HACD4: variants seen among roughly 807,000 people sequenced by gnomAD.
HACD4 encodes 3-hydroxyacyl-CoA dehydratase 4.
A neutral mutation model predicts 33.3 loss-of-function variants in HACD4; 35 were observed. The ratio of observed to expected loss-of-function variants is 1.05; its 90% confidence interval spans 0.80 to 1.39. The LOEUF is 1.39. Ranked by LOEUF, HACD4 falls within the 40% of genes most tolerant of loss-of-function variation. HACD4 has a pLI of 0.00. For synonymous variants in HACD4, 118 were observed against 98.0 expected, an observed-to-expected ratio of 1.20 and a Z score of -1.21; for missense variants, 323 against 276.5, an observed-to-expected ratio of 1.17 and a Z score of -1.19.
In HACD4 at chr9:21,031,639, G is replaced by C; in HGVS notation, c.-49C>G. 7.5e-7 allele frequency: 1 copy of C among 1,338,846 alleles called. No individual in the cohort carries two copies. The highest frequency in any genetic ancestry group is 3.1e-5 in the East Asian group (1 of 32,074). 82.9% of individuals were successfully genotyped at this position (1,338,846 alleles called of 1,614,324 possible). A position where few individuals can be genotyped will look rare whatever the true frequency, so the allele number is the denominator to read the frequency against. On this transcript the variant is annotated 5_prime_UTR_variant, in exon 1 of 7. Coordinates refer to ENST00000495827, the MANE Select transcript of HACD4 (RefSeq NM_001010915.5). ...AGCGCGGTCCAGGAAGGAGTACCGG[G>C]GAGGAGGCAGGGGCGGCCCCGCGGC... is the stretch of plus-strand genomic sequence containing the variant.
chr9:21,014,491 A>C (rs944688360), intron 4 of HACD4, among the ~76,000 whole-genome samples: 1 of 152,184 alleles, frequency 6.6e-6, no homozygotes, highest in Admixed American at 6.5e-5. Flanking sequence ...GACTCCATTT[A>C]TATGAACTTT....
Position 21,002,404 on chromosome 9 carries a change from T to C in HACD4, c.*4633A>G, listed in dbSNP as rs1043770370. ...CTCAAAAAGGAAGAAAATTCTGACA[T>C]ATACAAAATGGAGGAAACTTGCAGA... On this transcript the variant is annotated 3_prime_UTR_variant, in exon 7 of 7. Coordinates refer to ENST00000495827, the MANE Select transcript of HACD4 (RefSeq NM_001010915.5). The C allele has an allele frequency of 1.3e-5, 2 of 152,050 alleles. No homozygotes were observed. Among genetic ancestry groups the C allele is most frequent in the African/African-American group, 2.4e-5 (1 of 41,432 alleles). The allele number at this position is 152,050 out of a possible 1,614,324, so 9.4% of individuals were successfully genotyped here. A position where few individuals can be genotyped will look rare whatever the true frequency, so the allele number is the denominator to read the frequency against.
chr9:21,018,882 C>T (rs949604617), intron 3 of HACD4, among the ~76,000 whole-genome samples: 26 of 152,018 alleles, frequency 1.7e-4, no homozygotes, highest in African/African-American at 6.0e-4. Context: ...TGTTACTTTA[C>T]AAATGGCAGG....
At chr9:21,014,188 T>C (rs1481243945) in intron 4 of HACD4, among the ~76,000 whole-genome samples, 1 of 152,176 alleles carries the variant, frequency 6.6e-6, no homozygotes, top group Non-Finnish European at 1.5e-5. Flanking sequence ...AAAAAAAGTT[T>C]CTAAAAGTTA....
At position 21,029,394 on chromosome 9, in the gene HACD4, T is replaced by A. The variant is rs1479082167; in HGVS notation, c.43A>T (p.Arg15Trp). Residue 15 changes from arginine to tryptophan, a missense_variant, in exon 2 of 7, where the codon AGG becomes TGG. By Grantham distance (101) the Arg-to-Trp change is moderately radical (BLOSUM62 -3). Coordinates refer to ENST00000495827, the MANE Select transcript of HACD4 (RefSeq NM_001010915.5). ...TAGATGAAAAGATACGCATTCTTCC[T>A]ATACCTATAAATACAGGAAAATACC... ...ALPAWLQPRY[R>W]KNAYLFIYYL... The A allele has an allele frequency of 1.9e-6, 3 of 1,555,724 alleles. No individual in the cohort carries two copies. Among genetic ancestry groups the A allele is most frequent in the African/African-American group, 1.4e-5 (1 of 73,564 alleles).
At chr9:21,022,716 C>T (rs1817953098) in intron 3 of HACD4, among the ~76,000 whole-genome samples, 1 of 150,400 alleles carries the variant, frequency 6.6e-6, no homozygotes, top group South Asian at 2.2e-4. Flanking sequence ...AGTCAGGAAA[C>T]AACAGGTGCT....
chr9:21,015,692 C>A (rs1842538933), intron 4 of HACD4: 3 of 429,820 alleles, frequency 7.0e-6, no homozygotes, highest in South Asian at 8.6e-5. Flanking sequence ...CTGATTTACT[C>A]TTGTAATACC....
Position 21,005,412 on chromosome 9 carries a change from GATTT to G in HACD4, c.*1621_*1624del, listed in dbSNP as rs1168316595. 3 of 152,176 alleles carry G rather than the reference GATTT, an allele frequency of 2.0e-5. No individual in the cohort carries two copies. Among genetic ancestry groups the G allele is most frequent in the African/African-American group, 7.2e-5 (3 of 41,424 alleles). 9.4% of individuals were successfully genotyped at this position (152,176 alleles called of 1,614,324 possible). On this transcript the variant is annotated 3_prime_UTR_variant, in exon 7 of 7. Transcript: ENST00000495827. The surrounding 1 kb of genome is among the most constrained non-coding windows in gnomAD (Gnocchi z 4.0). ...GTGTAGCAGACAAGTCATCCAATTA[GATTT>G]ATGTGGGTGTGAACCACAGACCTAA...
chr9:21,020,192 G>A (rs982118813), intron 3 of HACD4, among the ~76,000 whole-genome samples: 3 of 151,338 alleles, frequency 2.0e-5, no homozygotes, highest in Non-Finnish European at 4.4e-5. Flanking sequence ...TAAAAATTGA[G>A]TAAAAATGTG....
chr9:21,016,511 T>C (rs1215497655), intron 3 of HACD4, among the ~76,000 whole-genome samples: 1 of 152,126 alleles, frequency 6.6e-6, no homozygotes, highest in Non-Finnish European at 1.5e-5. Context: ...TTCATCCAAG[T>C]TGGATCTTGA....
rs1842222730 is a variant in HACD4 at position 21,004,456 on chromosome 9, T to A, written c.*2581A>T. On this transcript the variant is annotated 3_prime_UTR_variant, in exon 7 of 7. Coordinates refer to ENST00000495827, the MANE Select transcript of HACD4 (RefSeq NM_001010915.5). The surrounding 1 kb of genome is among the most constrained non-coding windows in gnomAD (Gnocchi z 4.6). ...GTTGAAAATCTAATCTCCAGTGTGA[T>A]GGCATTTGAAGCTGGAACCTTCATA... The A allele has an allele frequency of 1.3e-5, 2 of 152,236 alleles. No individual in the cohort carries two copies. The highest frequency in any genetic ancestry group is 4.1e-4 in the South Asian group (2 of 4,832). The allele number at this position is 152,236 out of a possible 1,614,324, so 9.4% of individuals were successfully genotyped here. A position where few individuals can be genotyped will look rare whatever the true frequency, so the allele number is the denominator to read the frequency against.
intron 3 of HACD4, among the ~76,000 whole-genome samples, chr9:21,024,639 C>T (rs1818016764): frequency 6.6e-6 from 1 of 152,174 alleles, no homozygotes; most frequent in African/African-American, 2.4e-5. Context: ...CATATGTGCA[C>T]ATTTTCTAGG....
chr9:21,022,597 A>G (rs56324488), intron 3 of HACD4, among the ~76,000 whole-genome samples: 8,886 of 150,870 alleles, frequency 0.059, 383 homozygotes, highest in East Asian at 0.16. Context: ...ACATTTATGC[A>G]GCCAACAGAC....
chr9:21,024,556 A>C (rs1453335824), intron 3 of HACD4, among the ~76,000 whole-genome samples: 1 of 152,262 alleles, frequency 6.6e-6, no homozygotes, highest in Non-Finnish European at 1.5e-5. Flanking sequence ...ATATTCTGGA[A>C]TTCCTCCAAG....
At chr9:21,010,468 C>CCCT (rs1842391151) in intron 5 of HACD4, among the ~76,000 whole-genome samples, 1 of 136,352 alleles carries the variant, frequency 7.3e-6, no homozygotes, top group African/African-American at 2.9e-5. Context: ...CCCCCCCCCC[C>CCCT]CCAGAGCTTA....
chr9:21,004,984 T>C lies in HACD4; in HGVS notation c.*2053A>G, dbSNP rs1007389387. On this transcript the variant is annotated 3_prime_UTR_variant, in exon 7 of 7. Coordinates refer to ENST00000495827, the MANE Select transcript of HACD4 (RefSeq NM_001010915.5). The surrounding 1 kb of genome is among the most constrained non-coding windows in gnomAD (Gnocchi z 4.6). ...GTGGGAGAGAAAGCCTCCATCTTCA[T>C]AGAGAACACGTAAATCACCATGAAG... 2.6e-5 allele frequency: 4 copies of C among 152,154 alleles called. No homozygotes were observed. Among genetic ancestry groups the C allele is most frequent in the Non-Finnish European group, 5.9e-5 (4 of 68,022 alleles). The allele number at this position is 152,154 out of a possible 1,614,324, so 9.4% of individuals were successfully genotyped here.
At chr9:21,022,403 G>T (rs1817937968) in intron 3 of HACD4, among the ~76,000 whole-genome samples, 1 of 152,098 alleles carries the variant, frequency 6.6e-6, no homozygotes, top group African/African-American at 2.4e-5. Flanking sequence ...AAAAGCTCCG[G>T]TACAGCAAAA....
chr9:21,022,624 A>G (rs1817948971), intron 3 of HACD4, among the ~76,000 whole-genome samples: 1 of 41,674 alleles, frequency 2.4e-5, no homozygotes, highest in South Asian at 1.7e-3. Context: ...AAAAATGCTC[A>G]TCATCACTGG....
chr9:21,029,987 T>A (rs1818166150), intron 1 of HACD4, among the ~76,000 whole-genome samples: 1 of 152,146 alleles, frequency 6.6e-6, no homozygotes, highest in South Asian at 2.1e-4. Context: ...TCACAAAGTT[T>A]AAAAAATTGT....
Sources: gnomAD v4.1 joint callset for allele counts (sites outside exome capture counted in the v4.1 genomes callset) on GRCh38, gnomAD v4.1.1 for gene constraint, Gnocchi (gnomAD v3.1) non-coding constraint, MANE v1.5 for transcripts, NCBI Gene and HGNC (gene_info 2026-07-23, HGNC 2026-07-21) for gene names.